The following IMPG2 variants were observed in gnomAD, a reference collection of about 807,000 sequenced individuals.
IMPG2 encodes interphotoreceptor matrix proteoglycan 2, also known as IPM 200.
IMPG2 carries 91 observed loss-of-function variants against 129.2 expected under a neutral mutation model. The ratio of observed to expected loss-of-function variants is 0.70; its 90% CI spans 0.59 to 0.84. The LOEUF (loss-of-function observed/expected upper bound fraction) is 0.84, where lower values mean the gene tolerates loss of function less well. Ranked by LOEUF, IMPG2 falls within the 40% of genes least tolerant of loss-of-function variation. The probability of loss-of-function intolerance (pLI) is 0.00; values close to 1 mark genes in which losing one functional copy is unlikely to be tolerated. For missense variants in IMPG2, 1,430 were observed against 1,461.7 expected (o/e 0.98, Z 0.35); for synonymous variants, 510 against 517.7 (o/e 0.99, Z 0.20).
chr3:101,311,474 C>T (rs1376758366), intron 2 of IMPG2, among the ~76,000 whole-genome samples: 1 of 151,992 alleles, frequency 6.6e-6, no homozygotes, highest in Non-Finnish European at 1.5e-5. Flanking sequence ...TATGCAAAAG[C>T]ATCAAAAAGA....
intron 10 of IMPG2, among the ~76,000 whole-genome samples, chr3:101,256,218 A>AAAG (rs1304335098): frequency 5.4e-5 from 8 of 147,114 alleles, no homozygotes; most frequent in Non-Finnish European, 4.4e-5. Flanking sequence ...AGAAAGAAAG[A>AAAG]AAAAAATATC....
chr3:101,264,989 G>A (rs1297117437), intron 9 of IMPG2, among the ~76,000 whole-genome samples: 4 of 151,814 alleles, frequency 2.6e-5, no homozygotes, highest in African/African-American at 9.7e-5. Flanking sequence ...ATTTAACCAA[G>A]CAGGTGAAAG....
chr3:101,312,434 T>A (rs1291669871), intron 2 of IMPG2, among the ~76,000 whole-genome samples: 1 of 152,078 alleles, frequency 6.6e-6, no homozygotes, highest in Non-Finnish European at 1.5e-5. Flanking sequence ...ACGTTATTAA[T>A]CATTAGGGAA....
At chr3:101,278,981 A>G (rs1392515280) in intron 4 of IMPG2, among the ~76,000 whole-genome samples, 6 of 152,202 alleles carry the variant, frequency 3.9e-5, no homozygotes, top group African/African-American at 1.4e-4. Context: ...ATTCAGATGC[A>G]TTCAGAAGAA....
In IMPG2 at chr3:101,231,029, G is replaced by A; in HGVS notation, c.3350C>T (p.Ser1117Phe). 1 of 1,614,078 alleles carries A rather than the reference G, an allele frequency of 6.2e-7. No homozygotes were observed. The highest frequency in any genetic ancestry group is 1.3e-5 in the African/African-American group (1 of 75,038). ...ASVVGLLVIFSAIIYFFIRTL... is the reference protein window; with the variant it reads ...ASVVGLLVIFFAIIYFFIRTL... ...CCTGATGAAGAAGTAGATGATAGCA[G>A]AAAAGATGACAAGAAGTCCAACCAC... Residue 1117 changes from serine to phenylalanine, a missense_variant, in exon 16 of 19, where the codon TCT becomes TTT. By Grantham distance (155) the Ser-to-Phe change is radical. Transcript: ENST00000193391.
At chr3:101,243,485 A>C in intron 13 of IMPG2, 44 bp downstream of exon 13, 1 of 1,565,950 alleles carries the variant, frequency 6.4e-7, no homozygotes. Context: ...AGTCGGTCAT[A>C]CATGATTATT....
intron 12 of IMPG2, 136 bp from the exon 13 acceptor site, chr3:101,244,923 T>A: frequency 1.4e-6 from 1 of 713,408 alleles, no homozygotes; most frequent in Non-Finnish European, 2.4e-6. Context: ...TTTCTATATC[T>A]AGCAAACAAC....
chr3:101,227,999 A>G (rs1196977171), intron 18 of IMPG2: 5 of 372,998 alleles, frequency 1.3e-5, no homozygotes, highest in Non-Finnish European at 2.7e-5. Flanking sequence ...GCCAAGCCAG[A>G]AGATACTTAT....
In IMPG2 at chr3:101,299,643, G is replaced by A. The variant is rs189268565; in HGVS notation, c.501+4503C>T. 4.3e-4 allele frequency among the ~76,000 whole-genome samples: 65 copies of A among 152,190 alleles called. No individual in the cohort carries two copies. In the East Asian group the frequency reaches 0.01, roughly 23 times the overall value. Reference sequence around the variant, plus strand: ...CTGTTTGTTTGTTTTTCTTGCAATGGTCAGGTCCCTCTTCTGTAGGGCTGC... The same window carrying A: ...CTGTTTGTTTGTTTTTCTTGCAATGATCAGGTCCCTCTTCTGTAGGGCTGC... On this transcript the variant is annotated intron_variant, in intron 3 of 18. Transcript: ENST00000193391.
chr3:101,308,665 C>A (rs1707230923), intron 2 of IMPG2, among the ~76,000 whole-genome samples: 1 of 152,238 alleles, frequency 6.6e-6, no homozygotes, highest in Admixed American at 6.5e-5. Context: ...CTGACATGCC[C>A]TGAAGACATT....
intron 9 of IMPG2, among the ~76,000 whole-genome samples, chr3:101,266,488 A>G (rs1706721331): frequency 6.6e-6 from 1 of 152,170 alleles, no homozygotes; most frequent in Non-Finnish European, 1.5e-5. Flanking sequence ...GCCCTGAAAC[A>G]TACTTTGAAA....
intron 7 of IMPG2, among the ~76,000 whole-genome samples, chr3:101,270,571 G>A (rs180730411): frequency 5.3e-5 from 8 of 152,120 alleles, no homozygotes; most frequent in Admixed American, 6.5e-5. Flanking sequence ...AGGTTGAGGC[G>A]GGTGGATCAC....
intron 6 of IMPG2, among the ~76,000 whole-genome samples, chr3:101,274,211 A>T (rs1280189626): frequency 6.6e-6 from 1 of 152,042 alleles, no homozygotes; most frequent in African/African-American, 2.4e-5. Context: ...AATAAATAAA[A>T]TAAATTAATA....
At chr3:101,287,837 A>G (rs988040275) in intron 4 of IMPG2, among the ~76,000 whole-genome samples, 4 of 152,196 alleles carry the variant, frequency 2.6e-5, no homozygotes, top group South Asian at 2.1e-4. Context: ...CTTGGCAAAG[A>G]ATTTATGGCC....
At chr3:101,311,124 AG>A (rs955894659) in intron 2 of IMPG2, among the ~76,000 whole-genome samples, 6 of 151,754 alleles carry the variant, frequency 4.0e-5, no homozygotes, top group Non-Finnish European at 5.9e-5. Flanking sequence ...AAATGGTCCT[AG>A]GGGCACATGA....
Position 101,319,827 on chromosome 3 carries a change from T to C in IMPG2, c.91A>G (p.Thr31Ala). 11 of 1,611,502 alleles carry C rather than the reference T, an allele frequency of 6.8e-6. No individual in the cohort carries two copies. The highest frequency in any genetic ancestry group is 9.3e-6 in the Non-Finnish European group (11 of 1,179,502). Reference protein sequence around the residue: ...EGDFPSLTAQTYLSIEEIQEP... With the variant: ...EGDFPSLTAQAYLSIEEIQEP... ...TGGATCTCCTCTATAGATAAGTAGG[T>C]TTGTGCTACAGAGTGAAAGTATAGT... is the stretch of plus-strand genomic sequence containing the variant. Residue 31 changes from threonine (T) to alanine (A), a missense_variant, in exon 2 of 19, where the codon ACC (threonine) becomes GCC (alanine). Coordinates refer to ENST00000193391, the MANE Select transcript of IMPG2 (RefSeq NM_016247.4).
intron 2 of IMPG2, among the ~76,000 whole-genome samples, chr3:101,313,266 T>C (rs2058765285): frequency 6.6e-6 from 1 of 151,948 alleles, no homozygotes; most frequent in Non-Finnish European, 1.5e-5. Flanking sequence ...TTTGCACAGC[T>C]CAGAAAGGAG....
chr3:101,230,532 GA>G (rs1426835637), intron 16 of IMPG2, among the ~76,000 whole-genome samples: 5 of 152,164 alleles, frequency 3.3e-5, no homozygotes, highest in African/African-American at 1.2e-4. Context: ...TTCTGGCCAT[GA>G]AATAGGCATT....
At chr3:101,228,932 C>T in intron 17 of IMPG2, 56 bp from the exon 18 acceptor site, 1 of 1,255,696 alleles carries the variant, frequency 8.0e-7, no homozygotes, top group Middle Eastern at 2.0e-4. Flanking sequence ...CCTCAACAGC[C>T]TTTTAAAAGG....
Sources: gnomAD v4.1 joint callset for allele counts (sites outside exome capture counted in the v4.1 genomes callset) on GRCh38, gnomAD v4.1.1 for gene constraint, MANE v1.5 for transcripts, NCBI Gene and HGNC (gene_info 2026-07-23, HGNC 2026-07-21) for gene names.